Variants in WWOX observed in about 807,000 individuals in gnomAD.
WWOX encodes the protein WW domain-containing oxidoreductase.
A neutral mutation model predicts 46.2 loss-of-function variants in WWOX; 69 were observed. The ratio of observed to expected loss-of-function variants is 1.49; its 90% CI spans 1.23 to 1.82. The LOEUF is 1.82. Ranked by LOEUF, WWOX falls within the 40% of genes most tolerant of loss-of-function variation. The pLI is 0.00. For synonymous variants in WWOX, 359 were observed against 202.6 expected (o/e 1.77, Z -6.56); for missense variants, 919 against 542.6 (o/e 1.69, Z -6.89).
At position 78,520,953 on chromosome 16, in the gene WWOX, CA is replaced by C. The variant is rs1031711679; in HGVS notation, c.1056+88202del. Among the ~76,000 whole-genome samples, 115 of 152,212 alleles carry C rather than the reference CA, an allele frequency of 7.6e-4. 1 individual carries two copies. The highest frequency in any genetic ancestry group is 2.4e-3 in the African/African-American group (98 of 41,532). On this transcript the variant is annotated intron_variant, in intron 8 of 8. Transcript: ENST00000566780. ...AAAATAGACAGTGGCGTGCTGGGGT[CA>C]GGGGTGCTGGTCACCAGGGCGAGCA...
At chr16:78,826,867 C>T (rs542148380) in intron 8 of WWOX, among the ~76,000 whole-genome samples, 103 of 152,330 alleles carry the variant, frequency 6.8e-4, no homozygotes, top group Admixed American at 1.2e-3. Context: ...CTGTCCTCTG[C>T]CTCCATCTCC....
At chr16:78,817,118 A>G (rs2051351502) in intron 8 of WWOX, among the ~76,000 whole-genome samples, 1 of 149,014 alleles carries the variant, frequency 6.7e-6, no homozygotes, top group African/African-American at 2.5e-5. Context: ...TAAGGAATGA[A>G]AAGTTGCTTA....
At chr16:78,800,768 C>G (rs1030669047) in intron 8 of WWOX, among the ~76,000 whole-genome samples, 1 of 152,164 alleles carries the variant, frequency 6.6e-6, no homozygotes, top group Admixed American at 6.5e-5. Flanking sequence ...GTCAGTGTGT[C>G]TGGGTCTGTG....
intron 8 of WWOX, among the ~76,000 whole-genome samples, chr16:78,491,739 G>T (rs1366866366): frequency 6.6e-6 from 1 of 152,162 alleles, no homozygotes; most frequent in African/African-American, 2.4e-5. Context: ...GAGTTTATTT[G>T]TAAGCTGGGA....
chr16:78,242,289 C>G (rs954315114), intron 5 of WWOX, among the ~76,000 whole-genome samples: 1 of 152,084 alleles, frequency 6.6e-6, no homozygotes, highest in East Asian at 1.9e-4. Context: ...CTGAGAGAGC[C>G]CAGCTATTTA....
chr16:78,112,674 TG>T (rs201271978), intron 3 of WWOX, among the ~76,000 whole-genome samples: 3 of 142,298 alleles, frequency 2.1e-5, no homozygotes, highest in East Asian at 2.2e-4. Context: ...ATGTTGAAAA[TG>T]TTTTTTTTTT....
intron 5 of WWOX, among the ~76,000 whole-genome samples, chr16:78,364,540 TG>T (rs1369327409): frequency 1.4e-5 from 2 of 147,466 alleles, no homozygotes; most frequent in African/African-American, 2.5e-5. Flanking sequence ...AATAAATCTT[TG>T]GGACTCCGGA....
intron 8 of WWOX, chr16:79,110,778 G>C (rs940509275): frequency 6.6e-6 from 1 of 152,186 alleles, no homozygotes; most frequent in East Asian, 1.9e-4. Context: ...TCTGGAGTCT[G>C]CCAGTACCCA....
chr16:78,912,837 G>A (rs376472099), intron 8 of WWOX, among the ~76,000 whole-genome samples: 1 of 151,938 alleles, frequency 6.6e-6, no homozygotes, highest in Non-Finnish European at 1.5e-5. Context: ...CCCTCAAGAG[G>A]TCAGACGTAT....
At chr16:78,144,429 C>CTATATACATA (rs2034094163) in intron 4 of WWOX, among the ~76,000 whole-genome samples, 3 of 15,400 alleles carry the variant, frequency 1.9e-4, no homozygotes, top group Non-Finnish European at 2.3e-4. Flanking sequence ...TTTGCCATTA[C>CTATATACATA]TATATATATA....
chr16:78,813,599 GCTC>G (rs1195789071), intron 8 of WWOX, among the ~76,000 whole-genome samples: 2 of 152,100 alleles, frequency 1.3e-5, no homozygotes, highest in Non-Finnish European at 2.9e-5. Flanking sequence ...GCATGTGTGA[GCTC>G]CTGTGTGTGT....
intron 4 of WWOX, among the ~76,000 whole-genome samples, chr16:78,156,483 A>G (rs1248901228): frequency 6.6e-6 from 1 of 152,224 alleles, no homozygotes; most frequent in Non-Finnish European, 1.5e-5. Flanking sequence ...TTGTTTTAAA[A>G]TAGTCCAGAG....
chr16:78,513,776 T>G (rs149092415), intron 8 of WWOX, among the ~76,000 whole-genome samples: 29 of 152,326 alleles, frequency 1.9e-4, no homozygotes, highest in African/African-American at 6.7e-4. Context: ...AATAGTATTT[T>G]CCAAACTTAC....
rs1280244524 is a variant in WWOX, at chr16:78,810,693, A to C, written c.1056+377941A>C. On this transcript the variant is annotated intron_variant, in intron 8 of 8. Transcript: ENST00000566780. Reference sequence around the variant, plus strand: ...TGCCTAATGCTGATTGAAGCGGGCCATAGTATCAAGGGTGGAAGAAGGTGG... The same window carrying C: ...TGCCTAATGCTGATTGAAGCGGGCCCTAGTATCAAGGGTGGAAGAAGGTGG... 2.0e-5 allele frequency among the ~76,000 whole-genome samples: 3 copies of C among 152,320 alleles called. No individual in the cohort carries two copies. The South Asian group carries it at 6.2e-4, about 32-fold the overall frequency.
At chr16:79,018,340 C>G (rs1228143609) in intron 8 of WWOX, among the ~76,000 whole-genome samples, 3 of 152,092 alleles carry the variant, frequency 2.0e-5, no homozygotes, top group Non-Finnish European at 4.4e-5. Flanking sequence ...GCTTTGGAGC[C>G]AAAGCCAAAT....
chr16:79,154,136 G>A (rs555733231), intron 8 of WWOX, among the ~76,000 whole-genome samples: 2 of 152,306 alleles, frequency 1.3e-5, no homozygotes, highest in African/African-American at 4.8e-5. Context: ...TTCAATGTCA[G>A]AGCCCTAAAT....
At position 78,432,470 on chromosome 16, in the gene WWOX, A is replaced by T; in HGVS notation, c.792-18A>T. 1.2e-6 allele frequency: 2 copies of T among 1,612,898 alleles called. No individual in the cohort carries two copies. The highest frequency in any genetic ancestry group is 1.3e-5 in the African/African-American group (1 of 74,980). ...AGTCAGAACTTGGTTGCTTCATGTC[A>T]TATTTCCTATTTTTAAGATTTACAG... On this transcript the variant is annotated intron_variant, in intron 7 of 8. Transcript: ENST00000566780.
intron 8 of WWOX, among the ~76,000 whole-genome samples, chr16:78,602,225 C>A (rs1427156699): frequency 6.6e-6 from 1 of 152,116 alleles, no homozygotes; most frequent in Non-Finnish European, 1.5e-5. Context: ...CTGTTCTCTT[C>A]TGGATAGATC....
At chr16:78,615,917 A>AT (rs1191140623) in intron 8 of WWOX, among the ~76,000 whole-genome samples, 4 of 151,782 alleles carry the variant, frequency 2.6e-5, no homozygotes, top group East Asian at 3.9e-4. Flanking sequence ...CACTCAGCTA[A>AT]TTTTTTGTAT....
Sources: gnomAD v4.1 joint callset for allele counts (sites outside exome capture counted in the v4.1 genomes callset) on GRCh38, gnomAD v4.1.1 for gene constraint, MANE v1.5 for transcripts, NCBI Gene and HGNC (gene_info 2026-07-23, HGNC 2026-07-21) for gene names.